WDPCP: variants seen among roughly 807,000 people sequenced by gnomAD.
WDPCP encodes WD repeat containing planar cell polarity effector.
Under a neutral mutation model 93.1 loss-of-function variants are expected in WDPCP, and 71 were observed. The observed-to-expected ratio is 0.76, with a 90% CI of 0.63 to 0.93. The LOEUF (loss-of-function observed/expected upper bound fraction) is 0.93. Ranked by LOEUF, WDPCP falls within the 40% of genes least tolerant of loss-of-function variation. WDPCP has a pLI of 0.00. For missense variants in WDPCP, 844 were observed against 887.4 expected, an observed-to-expected ratio of 0.95 and a Z score of 0.62; for synonymous variants, 315 against 315.0, an observed-to-expected ratio of 1.00 and a Z score of 0.00.
intron 10 of WDPCP, among the ~76,000 whole-genome samples, chr2:63,393,100 G>A (rs189153174): frequency 5.3e-5 from 8 of 152,186 alleles, no homozygotes; most frequent in East Asian, 1.9e-4. Context: ...TGTTTATTGC[G>A]GCACTATTCA....
Position 63,120,619 on chromosome 2 carries a change from C to T in WDPCP, c.*1387G>A, listed in dbSNP as rs1017959391. 8.6e-5 allele frequency among the ~76,000 whole-genome samples: 13 copies of T among 150,768 alleles called. No homozygotes were observed. Among genetic ancestry groups the T allele is most frequent in the Admixed American group, 3.3e-4 (5 of 15,126 alleles). On this transcript the variant is annotated 3_prime_UTR_variant, in exon 18 of 18. Transcript: ENST00000272321. The stretch of plus-strand genomic sequence containing the variant: ...TCAGCTCACTGCAGCCTCCGCCCTC[C>T]GGGTTCACGCCATTCTCCTGCTTCA...
At chr2:63,511,096 T>A (rs887746570) in intron 1 of WDPCP, among the ~76,000 whole-genome samples, 2 of 152,194 alleles carry the variant, frequency 1.3e-5, no homozygotes, top group African/African-American at 4.8e-5. Context: ...AGCATTCCTA[T>A]GCAACAGTAA....
chr2:63,222,096 G>A (rs979726047), intron 14 of WDPCP, among the ~76,000 whole-genome samples: 9 of 152,152 alleles, frequency 5.9e-5, no homozygotes, highest in Non-Finnish European at 1.3e-4. Context: ...ATTCACCTGT[G>A]CCTGGACAGA....
intron 1 of WDPCP, among the ~76,000 whole-genome samples, chr2:63,586,130 G>A (rs1313996488): frequency 6.6e-6 from 1 of 152,174 alleles, no homozygotes; most frequent in Non-Finnish European, 1.5e-5. Context: ...ACGCCTAGCT[G>A]TGGTTAAATA....
intron 3 of WDPCP, among the ~76,000 whole-genome samples, chr2:63,596,702 C>G (rs928524245): frequency 2.2e-4 from 34 of 152,128 alleles, no homozygotes; most frequent in African/African-American, 8.2e-4. Context: ...AGTGAAAATG[C>G]TGAATGTTGG....
intron 2 of WDPCP, among the ~76,000 whole-genome samples, chr2:63,797,803 A>G (rs1284399154): frequency 4.6e-5 from 7 of 152,066 alleles, no homozygotes; most frequent in Admixed American, 3.9e-4. Flanking sequence ...ACCTAGAGAA[A>G]GATATCAATA....
chr2:63,660,037 C>CACTAAATCCACT (rs1710209021), intron 2 of WDPCP, among the ~76,000 whole-genome samples: 1 of 152,050 alleles, frequency 6.6e-6, no homozygotes, highest in Non-Finnish European at 1.5e-5. Flanking sequence ...TTTTCACAGC[C>CACTAAATCCACT]AAAGATCCAC....
chr2:63,814,830 A>G (rs1670907584), intron 1 of WDPCP, among the ~76,000 whole-genome samples: 1 of 152,202 alleles, frequency 6.6e-6, no homozygotes, highest in South Asian at 2.1e-4. Context: ...CCTGTGGATA[A>G]TTGGGTCAAA....
chr2:63,732,214 A>G (rs1046799102), intron 2 of WDPCP, among the ~76,000 whole-genome samples: 3 of 152,264 alleles, frequency 2.0e-5, no homozygotes, highest in Non-Finnish European at 2.9e-5. Flanking sequence ...TTTAAGACAT[A>G]TAAAGAATGA....
chr2:63,383,292 T>C (rs953852461), intron 10 of WDPCP, among the ~76,000 whole-genome samples: 1 of 152,124 alleles, frequency 6.6e-6, no homozygotes, highest in African/African-American at 2.4e-5. Context: ...TCTAGAATTC[T>C]ATACCTTTAT....
intron 1 of WDPCP, among the ~76,000 whole-genome samples, chr2:63,815,785 T>A (rs1670924014): frequency 6.6e-6 from 1 of 152,176 alleles, no homozygotes; most frequent in South Asian, 2.1e-4. Context: ...GATAAATGTA[T>A]CAAATTTAGC....
At chr2:63,580,083 C>T (rs2106542433) in intron 1 of WDPCP, among the ~76,000 whole-genome samples, 1 of 152,284 alleles carries the variant, frequency 6.6e-6, no homozygotes, top group Admixed American at 6.5e-5. Flanking sequence ...ACTTCCAAGC[C>T]TCCAGGACTA....
intron 17 of WDPCP, among the ~76,000 whole-genome samples, chr2:63,126,145 G>A (rs763037667): frequency 6.6e-6 from 1 of 151,748 alleles, no homozygotes; most frequent in Non-Finnish European, 1.5e-5. Context: ...TTTTGGCCAG[G>A]CTGGTCTTGA....
At chr2:63,718,473 C>T (rs1244579018) in intron 2 of WDPCP, among the ~76,000 whole-genome samples, 1 of 152,052 alleles carries the variant, frequency 6.6e-6, no homozygotes, top group Non-Finnish European at 1.5e-5. Flanking sequence ...GATGGTATCT[C>T]GTGGTGTTAA....
chr2:63,826,321 C>G (rs1184525971), intron 1 of WDPCP, among the ~76,000 whole-genome samples: 1 of 151,452 alleles, frequency 6.6e-6, no homozygotes, highest in Non-Finnish European at 1.5e-5. Context: ...AAAGGCCACT[C>G]TGCCTCGCTA....
the WDPCP span, among the ~76,000 whole-genome samples, chr2:63,833,004 G>A: frequency 6.6e-6 from 1 of 152,344 alleles, no homozygotes; most frequent in East Asian, 1.9e-4. Flanking sequence ...TGTAATCCCA[G>A]CACTTTGGGA....
intron 13 of WDPCP, among the ~76,000 whole-genome samples, chr2:63,271,880 T>C (rs966995892): frequency 6.6e-6 from 1 of 152,136 alleles, no homozygotes; most frequent in African/African-American, 2.4e-5. Context: ...CCCAGACTGC[T>C]ACAACCACTG....
chr2:63,174,305 TA>T (rs1165079937), intron 15 of WDPCP, among the ~76,000 whole-genome samples: 2 of 152,066 alleles, frequency 1.3e-5, no homozygotes, highest in African/African-American at 2.4e-5. Context: ...AAACTAATGG[TA>T]AACTTGCATT....
intron 1 of WDPCP, among the ~76,000 whole-genome samples, chr2:63,500,343 A>C (rs1701464793): frequency 6.6e-6 from 1 of 152,188 alleles, no homozygotes; most frequent in South Asian, 2.1e-4. Flanking sequence ...CACAGAAGAA[A>C]AATAAAGTCA....
Sources: gnomAD v4.1 joint callset for allele counts (sites outside exome capture counted in the v4.1 genomes callset) on GRCh38, gnomAD v4.1.1 for gene constraint, MANE v1.5 for transcripts, NCBI Gene and HGNC (gene_info 2026-07-23, HGNC 2026-07-21) for gene names.